The following JAZF1 variants were observed in gnomAD, a reference collection of about 807,000 sequenced individuals.
The protein encoded by JAZF1 is juxtaposed with another zinc finger protein 1.
In JAZF1, 8 loss-of-function variants were observed where a neutral mutation model predicts 26.4. That is an observed-to-expected ratio of 0.30 (90% confidence interval 0.18 to 0.55). JAZF1 has a LOEUF of 0.55. Among genes scored for constraint, JAZF1 ranks in the 20% least tolerant of loss-of-function variants. JAZF1 has a pLI of 0.94. For missense variants in JAZF1, 199 were observed against 322.0 expected, an observed-to-expected ratio of 0.62 and a Z score of 2.92; for synonymous variants, 126 against 122.3, an observed-to-expected ratio of 1.03 and a Z score of -0.20.
chr7:27,905,818 G>GT (rs1455754077), intron 2 of JAZF1, among the ~76,000 whole-genome samples: 5 of 151,900 alleles, frequency 3.3e-5, no homozygotes, highest in African/African-American at 1.2e-4. Context: ...CTTGAGAAAG[G>GT]CTTTCTTGAG....
At chr7:27,969,845 T>G (rs1785344927) in intron 2 of JAZF1, among the ~76,000 whole-genome samples, 1 of 152,202 alleles carries the variant, frequency 6.6e-6, no homozygotes, top group Non-Finnish European at 1.5e-5. Flanking sequence ...GGCCATGCCT[T>G]GATTCCGTGC....
intron 1 of JAZF1, among the ~76,000 whole-genome samples, chr7:28,138,976 CTAAT>C (rs1030623607): frequency 1.3e-5 from 2 of 150,036 alleles, no homozygotes; most frequent in African/African-American, 4.9e-5. Context: ...GGTGAACTGG[CTAAT>C]TAATTAGGTC....
chr7:28,107,412 G>A (rs906641254), intron 1 of JAZF1, among the ~76,000 whole-genome samples: 45 of 152,166 alleles, frequency 3.0e-4, no homozygotes, highest in African/African-American at 9.9e-4. Context: ...GCTTTGGGGC[G>A]CTGAGAATGT....
intron 2 of JAZF1, among the ~76,000 whole-genome samples, chr7:27,932,736 C>A (rs1340005511): frequency 6.6e-6 from 1 of 152,136 alleles, no homozygotes; most frequent in Non-Finnish European, 1.5e-5. Flanking sequence ...TGATATTCAA[C>A]AGACTCCTCA....
At chr7:28,099,057 C>T (rs1322151347) in intron 1 of JAZF1, among the ~76,000 whole-genome samples, 1 of 152,212 alleles carries the variant, frequency 6.6e-6, no homozygotes, top group East Asian at 1.9e-4. Context: ...GGGATGCCAG[C>T]ACCACTTTCT....
At chr7:28,036,494 T>C (rs1783295367) in intron 1 of JAZF1, among the ~76,000 whole-genome samples, 1 of 152,150 alleles carries the variant, frequency 6.6e-6, no homozygotes, top group Admixed American at 6.5e-5. Context: ...AGGATGCAAA[T>C]AGAAGTGGTA....
intron 2 of JAZF1, among the ~76,000 whole-genome samples, chr7:27,989,511 GA>G (rs1481457144): frequency 1.3e-5 from 2 of 152,062 alleles, no homozygotes; most frequent in Non-Finnish European, 2.9e-5. Flanking sequence ...CAGAATGGGA[GA>G]AAATTTTTAC....
At chr7:28,179,500 T>C (rs1373664320) in intron 1 of JAZF1, among the ~76,000 whole-genome samples, 1 of 151,864 alleles carries the variant, frequency 6.6e-6, no homozygotes, top group Non-Finnish European at 1.5e-5. Flanking sequence ...ACCTCGGGCC[T>C]AGCACCATTA....
At chr7:27,967,712 TA>T (rs1441498742) in intron 2 of JAZF1, among the ~76,000 whole-genome samples, 1 of 152,216 alleles carries the variant, frequency 6.6e-6, no homozygotes, top group Admixed American at 6.5e-5. Flanking sequence ...TTGTTCCTAT[TA>T]TTTTTAAATA....
intron 1 of JAZF1, among the ~76,000 whole-genome samples, chr7:28,096,324 C>T (rs1400573348): frequency 6.6e-6 from 1 of 152,236 alleles, no homozygotes; most frequent in Non-Finnish European, 1.5e-5. Flanking sequence ...GCACAATAAG[C>T]TATGACAAGA....
intron 1 of JAZF1, among the ~76,000 whole-genome samples, chr7:28,006,335 C>T (rs1168560959): frequency 6.6e-6 from 1 of 152,046 alleles, no homozygotes; most frequent in Non-Finnish European, 1.5e-5. Context: ...CACCACTGCA[C>T]TCCAGCCTGG....
chr7:28,052,005 G>A (rs1783625830), intron 1 of JAZF1, among the ~76,000 whole-genome samples: 1 of 152,074 alleles, frequency 6.6e-6, no homozygotes, highest in Admixed American at 6.5e-5. Flanking sequence ...TTCACTCTGA[G>A]GGCAGGCCTC....
At chr7:27,841,076 G>A in intron 3 of JAZF1, 1 of 514,060 alleles carries the variant, frequency 1.9e-6, no homozygotes, top group Non-Finnish European at 3.5e-6. Context: ...AAGAGACCAG[G>A]GCAAGGGCTT....
intron 2 of JAZF1, among the ~76,000 whole-genome samples, chr7:27,930,825 AT>A (rs138726528): frequency 4.2e-5 from 6 of 141,708 alleles, no homozygotes; most frequent in African/African-American, 1.5e-4. Context: ...ATAGACAGCC[AT>A]TTTTTTTAAA....
rs1782676291 is a variant in JAZF1, at chr7:27,830,967, A to G, written c.*1833T>C. On this transcript the variant is annotated 3_prime_UTR_variant, in exon 5 of 5. Coordinates refer to ENST00000283928, the MANE Select transcript of JAZF1 (RefSeq NM_175061.4). ...GCCTGCAGTTTCTTGCACTAGAAAG[A>G]GCGAAGCTAAATAATAATTGCTGGC... The G allele has an allele frequency of 4.6e-6, 1 of 218,834 alleles. No homozygotes were observed. The highest frequency in any genetic ancestry group is 9.2e-6 in the Non-Finnish European group (1 of 108,848). 13.6% of individuals were successfully genotyped at this position (218,834 alleles called of 1,614,324 possible).
At chr7:27,920,169 G>C (rs1784504847) in intron 2 of JAZF1, among the ~76,000 whole-genome samples, 1 of 152,154 alleles carries the variant, frequency 6.6e-6, no homozygotes, top group Admixed American at 6.5e-5. Context: ...TAAAACTTCA[G>C]CTTCATTTGG....
intron 2 of JAZF1, among the ~76,000 whole-genome samples, chr7:27,910,615 C>G (rs1216190744): frequency 6.6e-6 from 1 of 152,188 alleles, no homozygotes; most frequent in Non-Finnish European, 1.5e-5. Context: ...TCAGGCCAGC[C>G]AACCTGATTA....
At chr7:28,025,172 C>T (rs1245427272) in intron 1 of JAZF1, among the ~76,000 whole-genome samples, 2 of 152,314 alleles carry the variant, frequency 1.3e-5, no homozygotes, top group South Asian at 2.1e-4. Flanking sequence ...CACTCTTCCC[C>T]TCTTGGGGTT....
intron 2 of JAZF1, among the ~76,000 whole-genome samples, chr7:27,902,682 A>G (rs1784184885): frequency 6.6e-6 from 1 of 152,230 alleles, no homozygotes; most frequent in Admixed American, 6.5e-5. Flanking sequence ...AGGGCCTGAC[A>G]CTTCGTGCTT....
Sources: allele counts gnomAD v4.1 joint callset (sites outside exome capture counted in the v4.1 genomes callset), GRCh38; gene constraint gnomAD v4.1.1; transcripts MANE v1.5; gene names NCBI Gene and HGNC (gene_info 2026-07-23, HGNC 2026-07-21).